GPC6: variants seen among roughly 807,000 people sequenced by gnomAD.
The protein encoded by GPC6 is glypican 6, also known as glypican-6.
GPC6 carries 14 observed loss-of-function variants against 55.2 expected under a neutral mutation model. The observed-to-expected ratio is 0.25, with a 90% CI of 0.17 to 0.40. The LOEUF is 0.40. Ranked by LOEUF, GPC6 falls within the 10% of genes least tolerant of loss-of-function variation. The pLI is 1.00. For missense variants in GPC6, 641 were observed against 708.5 expected (o/e 0.90, Z 1.08); for synonymous variants, 278 against 259.6 (o/e 1.07, Z -0.68).
intron 1 of GPC6, among the ~76,000 whole-genome samples, chr13:93,453,536 G>T (rs554007584): frequency 1.1e-5 from 1 of 91,706 alleles, no homozygotes; most frequent in South Asian, 3.3e-4. Flanking sequence ...GAATGAAGCC[G>T]CGGACCCTCG....
At chr13:94,041,266 T>C (rs1483923773) in intron 4 of GPC6, among the ~76,000 whole-genome samples, 3 of 151,852 alleles carry the variant, frequency 2.0e-5, no homozygotes, top group Non-Finnish European at 4.4e-5. Context: ...AACCTCTTAA[T>C]TCAGCAGAGG....
At chr13:93,816,048 T>C (rs1476356502) in intron 2 of GPC6, among the ~76,000 whole-genome samples, 3 of 152,172 alleles carry the variant, frequency 2.0e-5, no homozygotes, top group Non-Finnish European at 2.9e-5. Context: ...GTTTATCATC[T>C]TATTCATCAA....
At chr13:94,151,492 A>G (rs1230788958) in intron 4 of GPC6, among the ~76,000 whole-genome samples, 2 of 152,120 alleles carry the variant, frequency 1.3e-5, no homozygotes, top group Non-Finnish European at 2.9e-5. Context: ...CTGACATGCG[A>G]AGGGCCCTGA....
intron 7 of GPC6, among the ~76,000 whole-genome samples, chr13:94,391,471 A>T (rs943435810): frequency 5.3e-5 from 8 of 152,160 alleles, no homozygotes; most frequent in Non-Finnish European, 1.5e-5. Context: ...GCCTCAGACA[A>T]CCCTAGCTTA....
In GPC6 at chr13:94,382,563, C is replaced by A. The variant is rs769274919; in HGVS notation, c.1289+13C>A. 1.4e-5 allele frequency: 22 copies of A among 1,613,880 alleles called. No homozygotes were observed. The highest frequency in any genetic ancestry group is 1.9e-5 in the Non-Finnish European group (22 of 1,180,020). On this transcript the variant is annotated intron_variant, in intron 7 of 8. Transcript: ENST00000377047. The stretch of plus-strand genomic sequence containing the variant: ...ACAGCAAAGCCAGGTGAGGGTGACT[C>A]GATGTGTGCATGGATGGGGGCACAG...
At chr13:93,287,527 T>C (rs1594074829) in intron 1 of GPC6, among the ~76,000 whole-genome samples, 1 of 152,340 alleles carries the variant, frequency 6.6e-6, no homozygotes, top group East Asian at 1.9e-4. Context: ...CATGCCTTTG[T>C]TTCATCTTGA....
intron 4 of GPC6, among the ~76,000 whole-genome samples, chr13:94,184,954 T>C (rs1251573391): frequency 6.6e-6 from 1 of 152,136 alleles, no homozygotes; most frequent in Non-Finnish European, 1.5e-5. Flanking sequence ...TGAAATATTA[T>C]GCAACCATAA....
chr13:93,971,255 T>C (rs1880271196), intron 3 of GPC6, among the ~76,000 whole-genome samples: 1 of 152,210 alleles, frequency 6.6e-6, no homozygotes, highest in East Asian at 1.9e-4. Context: ...TAATTCATTA[T>C]TGAATATGTA....
chr13:94,382,314 A>G, intron 6 of GPC6, 100 bp from the exon 7 acceptor site: 1 of 1,219,446 alleles, frequency 8.2e-7, no homozygotes, highest in Non-Finnish European at 1.2e-6. Flanking sequence ...CCTGCTGGTC[A>G]TATCACAGGT....
intron 3 of GPC6, among the ~76,000 whole-genome samples, chr13:93,963,766 G>A (rs1222410884): frequency 6.6e-6 from 1 of 152,120 alleles, no homozygotes. Flanking sequence ...AAGATTGTTT[G>A]GTGTTCTTTC....
chr13:93,587,599 A>T (rs1390389385), intron 2 of GPC6, among the ~76,000 whole-genome samples: 1 of 152,104 alleles, frequency 6.6e-6, no homozygotes, highest in Non-Finnish European at 1.5e-5. Flanking sequence ...TTGCTCTCTG[A>T]CCACAAAATG....
chr13:93,740,792 C>G (rs552254772), intron 2 of GPC6, among the ~76,000 whole-genome samples: 20 of 152,114 alleles, frequency 1.3e-4, no homozygotes, highest in African/African-American at 4.8e-4. Flanking sequence ...AGAATAAATA[C>G]AAGACTCAAA....
intron 3 of GPC6, among the ~76,000 whole-genome samples, chr13:93,873,649 A>G (rs1342225684): frequency 6.6e-6 from 1 of 151,926 alleles, no homozygotes; most frequent in Admixed American, 6.6e-5. Flanking sequence ...ACCTTGATGC[A>G]GACCGATCTG....
chr13:93,950,142 A>G (rs918217547), intron 3 of GPC6, among the ~76,000 whole-genome samples: 5 of 152,214 alleles, frequency 3.3e-5, no homozygotes, highest in Admixed American at 6.5e-5. Context: ...ACACCTAAGA[A>G]TAGTTCAAAT....
At chr13:93,771,086 T>A (rs557566892) in intron 2 of GPC6, among the ~76,000 whole-genome samples, 2 of 152,160 alleles carry the variant, frequency 1.3e-5, no homozygotes, top group African/African-American at 4.8e-5. Context: ...GCCAAACATA[T>A]TGATAACACA....
chr13:93,637,398 A>G (rs1008027000), intron 2 of GPC6, among the ~76,000 whole-genome samples: 1 of 152,156 alleles, frequency 6.6e-6, no homozygotes, highest in Admixed American at 6.6e-5. Context: ...TAAGGCAGAG[A>G]TGAATAACTA....
chr13:93,445,997 A>G (rs908323186), intron 1 of GPC6, among the ~76,000 whole-genome samples: 1 of 152,216 alleles, frequency 6.6e-6, no homozygotes, highest in African/African-American at 2.4e-5. Context: ...AAGGTTGTCT[A>G]TCAGAATAAG....
rs141311865 is a variant in GPC6 at position 94,294,643 on chromosome 13, T to C, written c.1008+8164T>C. On this transcript the variant is annotated intron_variant, in intron 5 of 8. Coordinates refer to ENST00000377047, the MANE Select transcript of GPC6 (RefSeq NM_005708.5). Reference sequence around the variant, plus strand: ...TTCCAGCATCCAGATCTTTTTTTTTTCTCCAGATCTTTTTCCTTTCAAAAT... The same window carrying C: ...TTCCAGCATCCAGATCTTTTTTTTTCCTCCAGATCTTTTTCCTTTCAAAAT... 2.9e-3 allele frequency among the ~76,000 whole-genome samples: 445 copies of C among 152,196 alleles called. 4 individuals carry two copies. Among genetic ancestry groups the C allele is most frequent in the African/African-American group, 9.6e-3 (399 of 41,540 alleles).
At chr13:93,796,285 G>A (rs1030936811) in intron 2 of GPC6, among the ~76,000 whole-genome samples, 1 of 152,196 alleles carries the variant, frequency 6.6e-6, no homozygotes. Context: ...ATTTAACAGA[G>A]GAAAAAGAAC....
Sources: gnomAD v4.1 joint callset for allele counts (sites outside exome capture counted in the v4.1 genomes callset) on GRCh38, gnomAD v4.1.1 for gene constraint, MANE v1.5 for transcripts, NCBI Gene and HGNC (gene_info 2026-07-23, HGNC 2026-07-21) for gene names.